Variants in SLAMF7 observed in about 807,000 individuals in gnomAD.
The protein encoded by SLAMF7 is 19A24 protein.
In SLAMF7, 26 loss-of-function variants were observed where a neutral mutation model predicts 34.1. The ratio of observed to expected loss-of-function variants is 0.76; its 90% CI spans 0.56 to 1.06. SLAMF7 has a LOEUF of 1.06. Ranked by LOEUF, SLAMF7 falls within the 50% of genes least tolerant of loss-of-function variation. The pLI, the probability that SLAMF7 is intolerant of heterozygous loss-of-function variation, is 0.00. For missense variants in SLAMF7, 399 were observed against 402.5 expected (o/e 0.99, Z 0.07); for synonymous variants, 171 against 156.4 (o/e 1.09, Z -0.70).
intron 1 of SLAMF7, among the ~76,000 whole-genome samples, chr1:160,745,653 G>A (rs898732812): frequency 1.3e-5 from 2 of 152,158 alleles, no homozygotes; most frequent in Admixed American, 1.3e-4. Context: ...ATTTAACTCA[G>A]CCTTTGTAGT....
At chr1:160,745,772 T>C (rs1238475367) in intron 1 of SLAMF7, among the ~76,000 whole-genome samples, 1 of 152,172 alleles carries the variant, frequency 6.6e-6, no homozygotes, top group Non-Finnish European at 1.5e-5. Flanking sequence ...GGGTTATAGG[T>C]TGCTGATCCT....
upstream of SLAMF7, chr1:160,739,205 C>T (rs1663533624): frequency 2.0e-5 from 21 of 1,053,988 alleles, no homozygotes; most frequent in South Asian, 2.5e-4. Context: ...TGCGGCGTGA[C>T]CCCTCCTGCT....
chr1:160,751,881 TATATATATATATATATATATAC>T (rs1382519439), intron 5 of SLAMF7: 22 of 127,592 alleles, frequency 1.7e-4, no homozygotes, highest in African/African-American at 6.4e-4. Context: ...TATATATATA[TATATATATATATATATATATAC>T]ACACACATAT....
At position 160,752,348 on chromosome 1, in the gene SLAMF7, C is replaced by G. The variant is rs1664703881; in HGVS notation, c.936+100C>G. On this transcript the variant is annotated intron_variant, in intron 6 of 6. Coordinates refer to ENST00000368043, the MANE Select transcript of SLAMF7 (RefSeq NM_021181.5). The stretch of plus-strand genomic sequence containing the variant: ...CTTGGACCCAGGTATCTCATACTCT[C>G]TAGAATTAAAAAGTACCCTAGTAGT... The G allele has an allele frequency of 4.5e-6, 4 of 893,856 alleles. No homozygotes were observed. In the Admixed American group the frequency reaches 9.0e-5, roughly 20 times the overall value. The allele number at this position is 893,856 out of a possible 1,614,324, so 55.4% of individuals were successfully genotyped here. A position where few individuals can be genotyped will look rare whatever the true frequency, so the allele number is the denominator to read the frequency against.
intron 3 of SLAMF7, 23 bp from the exon 4 acceptor site, chr1:160,750,281 G>T (rs1299257456): frequency 1.2e-6 from 2 of 1,611,342 alleles, no homozygotes; most frequent in East Asian, 2.2e-5. Context: ...TCCCTTCCCT[G>T]TGCCTCCACC....
chr1:160,750,422 A>T lies in SLAMF7; in HGVS notation c.768A>T (p.Glu256Asp). The part of the protein sequence containing the change: ...FLWFLKRERQ[E>D]EYIEEKKRVD... The stretch of plus-strand genomic sequence containing the variant: ...GGTTTCTGAAGAGAGAGAGACAAGA[A>T]GGTAGAGCGTGTACTATTTTTGTCC... The change falls in exon 4 of 7, where the codon GAA becomes GAT. Residue 256 changes from glutamate (E) to aspartate (D), a missense_variant and splice_region_variant. Coordinates refer to ENST00000368043, the MANE Select transcript of SLAMF7 (RefSeq NM_021181.5). 2 of 1,613,106 alleles carry T rather than the reference A, an allele frequency of 1.2e-6. No individual in the cohort carries two copies. The highest frequency in any genetic ancestry group is 1.7e-6 in the Non-Finnish European group (2 of 1,179,610).
chr1:160,739,449 C>T (rs892495759), intron 1 of SLAMF7, 93 bp downstream of exon 1: 6 of 1,068,548 alleles, frequency 5.6e-6, no homozygotes, highest in Non-Finnish European at 6.9e-6. Flanking sequence ...TGGCTCAACT[C>T]GGGAGGCTCT....
rs1029138905 is a variant in SLAMF7, at chr1:160,751,611, C to T, written c.873+163C>T. 3 of 591,964 alleles carry T rather than the reference C, an allele frequency of 5.1e-6. 1 individual carries two copies. Among genetic ancestry groups the T allele is most frequent in the African/African-American group, 3.7e-5 (2 of 53,678 alleles). 36.7% of individuals were successfully genotyped at this position (591,964 alleles called of 1,614,324 possible). On this transcript the variant is annotated intron_variant, in intron 5 of 6. Transcript: ENST00000368043. Reference sequence around the variant, plus strand: ...CCTCCTCCAAGTCTTCATGGATTCTCTTCTGTGCAGAAGAAGCTGGTGGTC... The same window carrying T: ...CCTCCTCCAAGTCTTCATGGATTCTTTTCTGTGCAGAAGAAGCTGGTGGTC...
intron 4 of SLAMF7, 74 bp from the exon 5 acceptor site, chr1:160,751,271 G>A: frequency 5.3e-6 from 6 of 1,122,726 alleles, no homozygotes; most frequent in East Asian, 2.3e-5. Context: ...GGGTCATCCA[G>A]GAGAAATGGT....
At chr1:160,741,956 C>G (rs1449942402) in intron 1 of SLAMF7, among the ~76,000 whole-genome samples, 2 of 151,954 alleles carry the variant, frequency 1.3e-5, no homozygotes, top group Non-Finnish European at 2.9e-5. Context: ...GAGGAGAGTG[C>G]CACAACACAC....
At chr1:160,740,943 A>G (rs1319123800) in intron 1 of SLAMF7, among the ~76,000 whole-genome samples, 3 of 152,184 alleles carry the variant, frequency 2.0e-5, no homozygotes, top group Admixed American at 1.3e-4. Context: ...TGCTCTTTTA[A>G]TCATAACAAG....
At position 160,750,286 on chromosome 1, in the gene SLAMF7, TCCAC is replaced by T; in HGVS notation, c.650-14_650-11del. The T allele has an allele frequency of 6.2e-7, 1 of 1,612,720 alleles. No individual in the cohort carries two copies. The highest frequency in any genetic ancestry group is 8.5e-7 in the Non-Finnish European group (1 of 1,179,426). On this transcript the variant is annotated splice_polypyrimidine_tract_variant and intron_variant, in intron 3 of 6. Transcript: ENST00000368043. ...CTGACTTTTCTCCCTTCCCTGTGCCTCCACCCATTCTCTGAAGGTGCTGCTGATG... is the reference window on the plus strand; with the variant it reads ...CTGACTTTTCTCCCTTCCCTGTGCCTCCATTCTCTGAAGGTGCTGCTGATG...
chr1:160,750,567 A>G, intron 4 of SLAMF7, 144 bp downstream of exon 4: 1 of 932,108 alleles, frequency 1.1e-6, no homozygotes, highest in Non-Finnish European at 1.6e-6. Context: ...TCTGCCCTCA[A>G]GAAGCATACA....
intron 5 of SLAMF7, 109 bp from the exon 6 acceptor site, chr1:160,752,077 C>A: frequency 1.2e-6 from 1 of 851,658 alleles, no homozygotes; most frequent in Non-Finnish European, 1.9e-6. Context: ...CTCACATCTC[C>A]TCCCATCTCT....
In SLAMF7 at chr1:160,751,408, C is replaced by G. The variant is rs1291325288; in HGVS notation, c.833C>G (p.Ser278Cys). The change falls in exon 5 of 7, where the codon TCT becomes TGT. Residue 278 changes from serine to cysteine, a missense_variant. Coordinates refer to ENST00000368043, the MANE Select transcript of SLAMF7 (RefSeq NM_021181.5). ...CRETPNICPH[S>C]GENTEYDTIP... ...GAAACTCCTAACATATGCCCCCATT[C>G]TGGAGAGAACACAGAGTACGACACA... 2 of 1,613,962 alleles carry G rather than the reference C, an allele frequency of 1.2e-6. No individual in the cohort carries two copies. The highest frequency in any genetic ancestry group is 1.7e-6 in the Non-Finnish European group (2 of 1,179,872).
At chr1:160,740,223 G>C (rs1168358366) in intron 1 of SLAMF7, among the ~76,000 whole-genome samples, 2 of 150,680 alleles carry the variant, frequency 1.3e-5, no homozygotes, top group Non-Finnish European at 2.9e-5. Context: ...TTCATCAGAA[G>C]TTTGTATTTT....
chr1:160,753,153 A>T lies in SLAMF7; in HGVS notation c.984A>T (p.Leu328=). 6.2e-7 allele frequency: 1 copy of T among 1,613,250 alleles called. No individual in the cohort carries two copies. Among genetic ancestry groups the T allele is most frequent in the Non-Finnish European group, 8.5e-7 (1 of 1,179,888 alleles). The part of the protein sequence containing the change: ...SLLTMPDTPR[L]FAYENVI ...TCACGATGCCAGACACACCAAGGCT[A>T]TTTGCCTATGAGAATGTTATCTAGA... The change falls in exon 7 of 7, where the codon CTA becomes CTT. Residue 328 remains leucine, a synonymous_variant. Transcript: ENST00000368043.
rs1162986799 is a variant in SLAMF7 at position 160,754,179 on chromosome 1, T to C, written c.*1002T>C. 1 of 152,256 alleles carries C rather than the reference T, an allele frequency of 6.6e-6. No homozygotes were observed. The highest frequency in any genetic ancestry group is 1.5e-5 in the Non-Finnish European group (1 of 68,102). 9.4% of individuals were successfully genotyped at this position (152,256 alleles called of 1,614,324 possible). A position where few individuals can be genotyped will look rare whatever the true frequency, so the allele number is the denominator to read the frequency against. Reference sequence around the variant, plus strand: ...TATTAAGAACCTATGCGGCCCGGCATGGTGGCTCACACCTGTAATCCCAGC... The same window carrying C: ...TATTAAGAACCTATGCGGCCCGGCACGGTGGCTCACACCTGTAATCCCAGC... On this transcript the variant is annotated 3_prime_UTR_variant, in exon 7 of 7. Coordinates refer to ENST00000368043, the MANE Select transcript of SLAMF7 (RefSeq NM_021181.5).
Position 160,750,354 on chromosome 1 carries a change from G to T in SLAMF7, c.700G>T (p.Val234Leu). 2 of 1,614,034 alleles carry T rather than the reference G, an allele frequency of 1.2e-6. No homozygotes were observed. Among genetic ancestry groups the T allele is most frequent in the Non-Finnish European group, 1.7e-6 (2 of 1,179,940 alleles). Residue 234 changes from valine to leucine, a missense_variant, in exon 4 of 7, where the codon GTG (valine) becomes TTG (leucine). Coordinates refer to ENST00000368043, the MANE Select transcript of SLAMF7 (RefSeq NM_021181.5). ...CATGGTCCTCCTGTGTCTCCTGTTG[G>T]TGCCCCTCCTGCTCAGTCTCTTTGT... is the stretch of plus-strand genomic sequence containing the variant. Reference protein sequence around the residue: ...SSMVLLCLLLVPLLLSLFVLG... With the variant: ...SSMVLLCLLLLPLLLSLFVLG...
Sources: gnomAD v4.1 joint callset for allele counts (sites outside exome capture counted in the v4.1 genomes callset) on GRCh38, gnomAD v4.1.1 for gene constraint, MANE v1.5 for transcripts, NCBI Gene and HGNC (gene_info 2026-07-23, HGNC 2026-07-21) for gene names.